Variants in CCDC192 observed in about 807,000 individuals in gnomAD.
CCDC192 encodes coiled-coil domain-containing protein 192.
Position 127,921,394 on chromosome 5 carries a change from T to A in CCDC192, c.536-19788T>A, listed in dbSNP as rs142418973. Among the ~76,000 whole-genome samples, 620 of 152,294 alleles carry A rather than the reference T, an allele frequency of 4.1e-3. 2 individuals are homozygous for A. Among genetic ancestry groups the A allele is most frequent in the Non-Finnish European group, 7.0e-3 (476 of 68,028 alleles). Reference sequence around the variant, plus strand: ...CTAAAGAAGTCACTCATAATCACCATCATTGCCTCCAATTTAACTCAACAA... The same window carrying A: ...CTAAAGAAGTCACTCATAATCACCAACATTGCCTCCAATTTAACTCAACAA... On this transcript the variant is annotated intron_variant, in intron 6 of 6. Transcript: ENST00000514853.
chr5:127,919,428 A>G (rs1753642362), intron 6 of CCDC192, among the ~76,000 whole-genome samples: 1 of 129,330 alleles, frequency 7.7e-6, no homozygotes, highest in Non-Finnish European at 1.5e-5. Flanking sequence ...TGTGGATACG[A>G]AAAAAAACTT....
At chr5:127,734,191 C>G (rs1229439765) in intron 2 of CCDC192, among the ~76,000 whole-genome samples, 3 of 149,790 alleles carry the variant, frequency 2.0e-5, no homozygotes, top group Non-Finnish European at 4.4e-5. Flanking sequence ...GTTTTTTGTT[C>G]TTGCGATAGT....
At chr5:127,798,676 C>T (rs1757309923) in intron 5 of CCDC192, among the ~76,000 whole-genome samples, 1 of 151,824 alleles carries the variant, frequency 6.6e-6, no homozygotes, top group African/African-American at 2.4e-5. Flanking sequence ...TGCCAGTCTT[C>T]AGGACACACG....
At chr5:127,839,233 A>G (rs1580733045) in intron 5 of CCDC192, among the ~76,000 whole-genome samples, 1 of 152,372 alleles carries the variant, frequency 6.6e-6, no homozygotes, top group African/African-American at 2.4e-5. Flanking sequence ...AAATTACAGT[A>G]CAACTCCACA....
chr5:127,714,423 CTG>C (rs956426618), intron 2 of CCDC192, among the ~76,000 whole-genome samples: 2 of 152,206 alleles, frequency 1.3e-5, no homozygotes, highest in African/African-American at 4.8e-5. Context: ...GAATCTCACT[CTG>C]TCACCCAGGC....
At chr5:127,796,417 G>A (rs924325104) in intron 3 of CCDC192, among the ~76,000 whole-genome samples, 12 of 152,102 alleles carry the variant, frequency 7.9e-5, no homozygotes, top group African/African-American at 2.7e-4. Context: ...CTGACCTATA[G>A]AGAAAAAGCA....
At chr5:127,715,654 T>C (rs529217100) in intron 2 of CCDC192, among the ~76,000 whole-genome samples, 1 of 152,348 alleles carries the variant, frequency 6.6e-6, no homozygotes, top group Admixed American at 6.5e-5. Context: ...TTGCATTTAA[T>C]CTGTAAATTT....
chr5:127,933,851 A>G (rs1754119524), intron 6 of CCDC192, among the ~76,000 whole-genome samples: 1 of 152,230 alleles, frequency 6.6e-6, no homozygotes. Flanking sequence ...ATATAAGGAC[A>G]CAGCTGGGAG....
At chr5:127,926,659 T>A (rs764183957) in intron 6 of CCDC192, among the ~76,000 whole-genome samples, 13 of 152,086 alleles carry the variant, frequency 8.5e-5, no homozygotes, top group Non-Finnish European at 1.6e-4. Context: ...GGTTAGATAA[T>A]GAGTTGAGTT....
At chr5:127,797,758 TATATATATATATATATA>T (rs1561494112) in intron 4 of CCDC192, among the ~76,000 whole-genome samples, 1,077 of 28,360 alleles carry the variant, frequency 0.038, 21 homozygotes, top group East Asian at 0.097. Flanking sequence ...TATATATATA[TATATATATATATATATA>T]TATTTATTTA....
chr5:127,792,980 T>C (rs1478930711), intron 3 of CCDC192, among the ~76,000 whole-genome samples: 1 of 152,166 alleles, frequency 6.6e-6, no homozygotes, highest in East Asian at 1.9e-4. Context: ...GATGTCTTAG[T>C]CATTTCAAGC....
chr5:127,891,934 G>A (rs1250610474), intron 6 of CCDC192, among the ~76,000 whole-genome samples: 1 of 152,120 alleles, frequency 6.6e-6, no homozygotes, highest in South Asian at 2.1e-4. Context: ...CAAGCTCTTC[G>A]AGGGTATATA....
At chr5:127,848,272 G>A (rs972626082) in intron 5 of CCDC192, among the ~76,000 whole-genome samples, 5 of 152,090 alleles carry the variant, frequency 3.3e-5, no homozygotes, top group African/African-American at 1.2e-4. Flanking sequence ...TATTCAGAGG[G>A]TCATAAAACA....
intron 2 of CCDC192, among the ~76,000 whole-genome samples, chr5:127,708,618 C>T (rs1181462812): frequency 2.0e-5 from 3 of 152,090 alleles, no homozygotes; most frequent in Non-Finnish European, 2.9e-5. Context: ...AATTTGCCAT[C>T]TCCAACCTTT....
intron 6 of CCDC192, among the ~76,000 whole-genome samples, chr5:127,921,406 A>G (rs1753717983): frequency 6.6e-6 from 1 of 152,186 alleles, no homozygotes; most frequent in Admixed American, 6.5e-5. Flanking sequence ...ATTGCCTCCA[A>G]TTTAACTCAA....
intron 3 of CCDC192, among the ~76,000 whole-genome samples, chr5:127,783,216 G>A (rs6892755): frequency 0.11 from 17,286 of 151,924 alleles, 2,182 homozygotes; most frequent in African/African-American, 0.29. Context: ...GGATGGTCTC[G>A]AACTCCTGAC....
intron 5 of CCDC192, among the ~76,000 whole-genome samples, chr5:127,853,685 A>G (rs1219144155): frequency 6.6e-6 from 1 of 152,198 alleles, no homozygotes; most frequent in Non-Finnish European, 1.5e-5. Flanking sequence ...AGGCAGAAGA[A>G]TTGCTTGAAC....
At chr5:127,804,947 A>T (rs1247300249) in intron 5 of CCDC192, among the ~76,000 whole-genome samples, 1 of 152,122 alleles carries the variant, frequency 6.6e-6, no homozygotes, top group African/African-American at 2.4e-5. Flanking sequence ...CACGGGCCTC[A>T]TGCTCCTTGT....
intron 3 of CCDC192, among the ~76,000 whole-genome samples, chr5:127,758,573 A>G (rs1231022171): frequency 1.3e-5 from 2 of 152,242 alleles, no homozygotes; most frequent in African/African-American, 2.4e-5. Context: ...CCTAGGTTAT[A>G]ATGATAAACC....
Sources: allele counts gnomAD v4.1 joint callset (sites outside exome capture counted in the v4.1 genomes callset), GRCh38; gene constraint gnomAD v4.1.1; transcripts MANE v1.5; gene names NCBI Gene and HGNC (gene_info 2026-07-23, HGNC 2026-07-21).